SLC4A7: variants seen among roughly 807,000 people sequenced by gnomAD.
SLC4A7 encodes the protein sodium bicarbonate cotransporter 3.
SLC4A7 carries 51 observed loss-of-function variants against 137.6 expected under a neutral mutation model. The observed-to-expected ratio is 0.37, with a 90% CI of 0.30 to 0.47. The LOEUF is 0.47. Among genes scored for constraint, SLC4A7 ranks in the 20% least tolerant of loss-of-function variants. The pLI, the probability that SLC4A7 is intolerant of heterozygous loss-of-function variation, is 1.00. For missense variants in SLC4A7, 1,247 were observed against 1,525.4 expected (o/e 0.82, Z 3.04); for synonymous variants, 542 against 518.6 (o/e 1.05, Z -0.61).
At chr3:27,447,640 C>CTTTTTTT (rs71087609) in intron 3 of SLC4A7, among the ~76,000 whole-genome samples, 6 of 99,722 alleles carry the variant, frequency 6.0e-5, no homozygotes, top group African/African-American at 1.3e-4. Flanking sequence ...TTTTACAGCC[C>CTTTTTTT]TTTTTTTTTT....
Position 27,431,542 on chromosome 3 carries a change from G to A in SLC4A7, c.906C>T (p.Thr302=), listed in dbSNP as rs1038235580. The change falls in exon 7 of 26, where the codon ACC becomes ACT. Residue 302 remains threonine, a synonymous_variant. Transcript: ENST00000454389. ...GGGTTGTACACCTTGAGCCTGCAGG[G>A]GTTCCAGCTCTTGAAGAAGGAAGAA... The part of the protein sequence containing the change: ...GHLLPSSRAG[T]PAGSRCTTPV... The A allele has an allele frequency of 3.1e-6, 5 of 1,613,928 alleles. No individual in the cohort carries two copies. Among genetic ancestry groups the A allele is most frequent in the Admixed American group, 1.7e-5 (1 of 59,990 alleles).
chr3:27,420,058 G>C (rs1305398840), intron 10 of SLC4A7, among the ~76,000 whole-genome samples: 3 of 151,846 alleles, frequency 2.0e-5, no homozygotes, highest in African/African-American at 7.3e-5. Flanking sequence ...GCATGGTGGG[G>C]TGCACCTGTA....
intron 3 of SLC4A7, among the ~76,000 whole-genome samples, chr3:27,448,163 G>A (rs1320684960): frequency 2.1e-5 from 3 of 141,282 alleles, no homozygotes; most frequent in African/African-American, 7.9e-5. Flanking sequence ...AGTGAGCCGA[G>A]ATCGTACCAC....
chr3:27,401,002 G>A (rs1576218717), intron 15 of SLC4A7, 133 bp from the exon 16 acceptor site: 4 of 521,624 alleles, frequency 7.7e-6, no homozygotes, highest in South Asian at 6.5e-5. Flanking sequence ...ACTAGAAAGT[G>A]GAAAATACAT....
At chr3:27,448,840 G>C in intron 2 of SLC4A7, 43 bp from the exon 3 acceptor site, 2 of 1,462,468 alleles carry the variant, frequency 1.4e-6, no homozygotes, top group Admixed American at 2.2e-5. Context: ...TTCCAAAAGA[G>C]AAAAAAGTGA....
intron 1 of SLC4A7, chr3:27,462,719 G>A (rs1045343857): frequency 3.6e-4 from 13 of 36,428 alleles, no homozygotes; most frequent in African/African-American, 1.5e-3. Context: ...GAATCTAAAA[G>A]CAACTCAGAC....
In SLC4A7 at chr3:27,373,913, T is replaced by C. The variant is rs544223058; in HGVS notation, c.*2851A>G. 1 of 152,626 alleles carries C rather than the reference T, an allele frequency of 6.6e-6. No individual in the cohort carries two copies. The highest frequency in any genetic ancestry group is 1.5e-5 in the Non-Finnish European group (1 of 67,938). The allele number at this position is 152,626 out of a possible 1,614,324, so 9.5% of individuals were successfully genotyped here. On this transcript the variant is annotated 3_prime_UTR_variant, in exon 26 of 26. Coordinates refer to ENST00000454389, the MANE Select transcript of SLC4A7 (RefSeq NM_001321103.2). ...AATATGAACAATGGGATGCCACAGC[T>C]TTTTAAAACAACTTTTAACAGATAT...
chr3:27,398,296 A>G lies in SLC4A7; in HGVS notation c.2485T>C (p.Tyr829His), dbSNP rs1220730241. Residue 829 changes from tyrosine (Y) to histidine (H), a missense_variant, in exon 17 of 26, where the codon TAT becomes CAT. By Grantham distance (83) the Tyr-to-His change is moderately conservative. Coordinates refer to ENST00000454389, the MANE Select transcript of SLC4A7 (RefSeq NM_001321103.2). The part of the protein sequence containing the change: ...LGSACGHHGP[Y>H]IPDVLFWCVI... ...CACCAAAAGAGCACATCTGGAATAT[A>G]AGGTCCATGATGACCACAAGCTGAC... 1 of 1,613,206 alleles carries G rather than the reference A, an allele frequency of 6.2e-7. No individual in the cohort carries two copies. The highest frequency in any genetic ancestry group is 2.2e-5 in the East Asian group (1 of 44,838).
At position 27,457,970 on chromosome 3, in the gene SLC4A7, G is replaced by A. The variant is rs142113700; in HGVS notation, c.61-5472C>T. ...GACAAAATATCTGTCAAATGCCCAA[G>A]TATGATTAACCAAGTCTGTCATTTT... On this transcript the variant is annotated intron_variant, in intron 1 of 25. Coordinates refer to ENST00000454389, the MANE Select transcript of SLC4A7 (RefSeq NM_001321103.2). Among the ~76,000 whole-genome samples, 403 of 152,216 alleles carry A rather than the reference G, an allele frequency of 2.6e-3. 1 individual carries two copies. Among genetic ancestry groups the A allele is most frequent in the African/African-American group, 9.4e-3 (389 of 41,540 alleles).
chr3:27,482,187 C>A (rs540782147), intron 1 of SLC4A7, among the ~76,000 whole-genome samples: 5 of 152,164 alleles, frequency 3.3e-5, no homozygotes, highest in African/African-American at 1.2e-4. Flanking sequence ...TTGGCCACTA[C>A]AGTAAATAGT....
At chr3:27,400,735 C>T (rs777522342) in intron 16 of SLC4A7, 29 bp downstream of exon 16, 2 of 1,354,320 alleles carry the variant, frequency 1.5e-6, no homozygotes, top group South Asian at 2.4e-5. Flanking sequence ...ATATCTATTA[C>T]AAAACCCTTT....
chr3:27,376,139 T>C lies in SLC4A7; in HGVS notation c.*625A>G, dbSNP rs2049880480. 6.6e-6 allele frequency: 1 copy of C among 152,082 alleles called. No individual in the cohort carries two copies. Among genetic ancestry groups the C allele is most frequent in the Admixed American group, 6.5e-5 (1 of 15,268 alleles). The allele number at this position is 152,082 out of a possible 1,614,324, so 9.4% of individuals were successfully genotyped here. A position where few individuals can be genotyped will look rare whatever the true frequency, so the allele number is the denominator to read the frequency against. On this transcript the variant is annotated 3_prime_UTR_variant, in exon 26 of 26. Transcript: ENST00000454389. Reference sequence around the variant, plus strand: ...TTGTCTGTCACAATGGATACCTAGATATGAAGGTTTTAAGATTTAAAAAAA... The same window carrying C: ...TTGTCTGTCACAATGGATACCTAGACATGAAGGTTTTAAGATTTAAAAAAA...
intron 7 of SLC4A7, among the ~76,000 whole-genome samples, chr3:27,425,937 G>A (rs1020356377): frequency 6.6e-6 from 1 of 152,118 alleles, no homozygotes; most frequent in African/African-American, 2.4e-5. Flanking sequence ...ACACATGGAA[G>A]TTCAGTTAAA....
At chr3:27,478,628 T>C (rs2059573692) in intron 1 of SLC4A7, among the ~76,000 whole-genome samples, 1 of 151,506 alleles carries the variant, frequency 6.6e-6, no homozygotes, top group Non-Finnish European at 1.5e-5. Context: ...CTCACTAAAA[T>C]GGCTTAAGAA....
Position 27,400,867 on chromosome 3 carries a change from C to T in SLC4A7, c.2324G>A (p.Cys775Tyr). 1.3e-6 allele frequency: 2 copies of T among 1,528,856 alleles called. No homozygotes were observed. The highest frequency in any genetic ancestry group is 1.8e-6 in the Non-Finnish European group (2 of 1,107,604). 94.7% of individuals were successfully genotyped at this position (1,528,856 alleles called of 1,614,324 possible). A position where few individuals can be genotyped will look rare whatever the true frequency, so the allele number is the denominator to read the frequency against. Residue 775 changes from cysteine to tyrosine, a missense_variant and splice_region_variant, in exon 16 of 26, where the codon TGT (cysteine) becomes TAT (tyrosine). Cys to Tyr is a radical substitution (Grantham distance 194, BLOSUM62 -2). Transcript: ENST00000454389. ...GGGGTTTGGAGGTTCAGTACATACA[C>T]ATCTGAGAAATTAGAGTAGGATACA... The part of the protein sequence containing the change: ...NNLDKLTSYS[C>Y]VCTEPPNPSN...
At chr3:27,437,567 C>T in intron 3 of SLC4A7, 41 bp from the exon 4 acceptor site, 1 of 1,353,930 alleles carries the variant, frequency 7.4e-7, no homozygotes, top group African/African-American at 1.5e-5. Context: ...AATTTTTCCT[C>T]AAGTCATTCA....
chr3:27,455,553 G>A (rs772237892), intron 1 of SLC4A7, among the ~76,000 whole-genome samples: 6 of 150,560 alleles, frequency 4.0e-5, no homozygotes, highest in Non-Finnish European at 8.8e-5. Flanking sequence ...GTTTTCATGC[G>A]TAACTTGCAT....
intron 1 of SLC4A7, among the ~76,000 whole-genome samples, chr3:27,471,259 A>G (rs2059234055): frequency 6.6e-6 from 1 of 152,202 alleles, no homozygotes; most frequent in Non-Finnish European, 1.5e-5. Context: ...GAAAAGATTC[A>G]ATCTGCAGTA....
chr3:27,411,134 T>A (rs1162191592), intron 12 of SLC4A7, among the ~76,000 whole-genome samples: 3 of 152,182 alleles, frequency 2.0e-5, no homozygotes, highest in African/African-American at 7.2e-5. Context: ...GTTACAAAAA[T>A]TAACTTCTTA....
Sources: gnomAD v4.1 joint callset for allele counts (sites outside exome capture counted in the v4.1 genomes callset) on GRCh38, gnomAD v4.1.1 for gene constraint, MANE v1.5 for transcripts, NCBI Gene and HGNC (gene_info 2026-07-23, HGNC 2026-07-21) for gene names.